Variants in CHD6 observed in about 807,000 individuals in gnomAD.
The protein encoded by CHD6 is chromodomain helicase DNA binding protein 6.
A neutral mutation model predicts 276.9 loss-of-function variants in CHD6; 50 were observed. That is an observed-to-expected ratio of 0.18 (90% CI 0.14 to 0.23). The LOEUF (loss-of-function observed/expected upper bound fraction) is 0.23, where lower values mean the gene tolerates loss of function less well. Among genes scored for constraint, CHD6 ranks in the 10% least tolerant of loss-of-function variants. The pLI, the probability that CHD6 is intolerant of heterozygous loss-of-function variation, is 1.00. For missense variants in CHD6, 2,564 were observed against 3,365.8 expected (o/e 0.76, Z 5.89); for synonymous variants, 1,173 against 1,229.3 (o/e 0.95, Z 0.96).
intron 3 of CHD6, among the ~76,000 whole-genome samples, chr20:41,522,360 A>G (rs922852222): frequency 1.4e-5 from 2 of 146,144 alleles, no homozygotes; most frequent in Admixed American, 1.4e-4. Flanking sequence ...AAAACAAAAT[A>G]ACAAACCAAA....
chr20:41,415,072 G>C, intron 34 of CHD6, 114 bp downstream of exon 34: 1 of 1,484,916 alleles, frequency 6.7e-7, no homozygotes, highest in Non-Finnish European at 9.0e-7. Flanking sequence ...AAATAAAGCA[G>C]GACAACCGAA....
chr20:41,608,855 C>T (rs912759318), intron 1 of CHD6, among the ~76,000 whole-genome samples: 2 of 152,122 alleles, frequency 1.3e-5, no homozygotes, highest in East Asian at 1.9e-4. Context: ...AAACTTAGTT[C>T]AAGAGTAAAT....
At chr20:41,611,629 C>G (rs902658007) in intron 1 of CHD6, among the ~76,000 whole-genome samples, 1 of 146,784 alleles carries the variant, frequency 6.8e-6, no homozygotes, top group Non-Finnish European at 1.5e-5. Flanking sequence ...ACTTGCATTT[C>G]TTTTTTTTTT....
chr20:41,433,570 C>T (rs6093482), intron 27 of CHD6, among the ~76,000 whole-genome samples: 67,975 of 151,892 alleles, frequency 0.45, 18,107 homozygotes, highest in African/African-American at 0.74. Flanking sequence ...CTAAGAGAAC[C>T]GTCTGACAGT....
chr20:41,444,821 A>G (rs1471792305), intron 25 of CHD6, among the ~76,000 whole-genome samples: 1 of 152,190 alleles, frequency 6.6e-6, no homozygotes, highest in Non-Finnish European at 1.5e-5. Context: ...CCTCCATTGT[A>G]TAAGTGAGAA....
At chr20:41,563,291 C>CA (rs989226635) in intron 1 of CHD6, among the ~76,000 whole-genome samples, 1 of 152,198 alleles carries the variant, frequency 6.6e-6, no homozygotes, top group African/African-American at 2.4e-5. Context: ...TGCTGAATAA[C>CA]AAGGCTTTTA....
At chr20:41,555,671 C>G (rs941135326) in intron 1 of CHD6, among the ~76,000 whole-genome samples, 1 of 150,576 alleles carries the variant, frequency 6.6e-6, no homozygotes, top group African/African-American at 2.5e-5. Flanking sequence ...GGGGCAGAGG[C>G]GCTCCCCACA....
chr20:41,412,803 C>T (rs1020639935), intron 35 of CHD6, among the ~76,000 whole-genome samples: 1 of 152,176 alleles, frequency 6.6e-6, no homozygotes, highest in African/African-American at 2.4e-5. Flanking sequence ...GTCTGAGGGA[C>T]TTAGGACAAA....
rs367568405 is a variant in CHD6 at position 41,493,996 on chromosome 20, C to T, written c.1093-52G>A. 5.7e-5 allele frequency: 77 copies of T among 1,342,972 alleles called. No homozygotes were observed. In the East Asian group the frequency reaches 6.0e-4, roughly 10 times the overall value. 83.2% of individuals were successfully genotyped at this position (1,342,972 alleles called of 1,614,324 possible). A position where few individuals can be genotyped will look rare whatever the true frequency, so the allele number is the denominator to read the frequency against. On this transcript the variant is annotated intron_variant, in intron 8 of 36. Coordinates refer to ENST00000373233, the MANE Select transcript of CHD6 (RefSeq NM_032221.5). ...GGAAGTATGTCCCCTTGCCTCAAAT[C>T]CAACACCTAGGGTGTTATCTCTAAG...
At position 41,473,180 on chromosome 20, in the gene CHD6, C is replaced by A; in HGVS notation, c.2664+142G>T. 1 of 669,206 alleles carries A rather than the reference C, an allele frequency of 1.5e-6. No individual in the cohort carries two copies. The highest frequency in any genetic ancestry group is 2.8e-5 in the East Asian group (1 of 36,192). 41.5% of individuals were successfully genotyped at this position (669,206 alleles called of 1,614,324 possible). ...CATTTACTTTTCATTCAGTTTCACC[C>A]CCTGACCAAGGCCCTAAGCCTGTCA... On this transcript the variant is annotated intron_variant, in intron 17 of 36. Coordinates refer to ENST00000373233, the MANE Select transcript of CHD6 (RefSeq NM_032221.5). The surrounding 1 kb of genome is among the most constrained non-coding windows in gnomAD (Gnocchi z 4.1).
intron 3 of CHD6, among the ~76,000 whole-genome samples, chr20:41,522,570 A>G (rs1017335731): frequency 1.4e-4 from 21 of 152,178 alleles, no homozygotes; most frequent in African/African-American, 4.8e-4. Context: ...AACTTAGGAA[A>G]GACACACTGA....
chr20:41,444,429 T>C (rs530312821), intron 25 of CHD6, among the ~76,000 whole-genome samples: 6 of 152,310 alleles, frequency 3.9e-5, no homozygotes, highest in Admixed American at 1.3e-4. Flanking sequence ...AATTAGGGCA[T>C]GTCTATGATT....
intron 1 of CHD6, among the ~76,000 whole-genome samples, chr20:41,570,490 G>T (rs1220927875): frequency 6.6e-6 from 1 of 152,080 alleles, no homozygotes; most frequent in African/African-American, 2.4e-5. Flanking sequence ...ATATATGAGG[G>T]GCCCACTGGC....
At chr20:41,512,134 A>ATT (rs11429306) in intron 5 of CHD6, among the ~76,000 whole-genome samples, 14 of 147,886 alleles carry the variant, frequency 9.5e-5, no homozygotes, top group Admixed American at 1.3e-4. Flanking sequence ...TGCCCAGCTA[A>ATT]TTTTTTTTTT....
At chr20:41,617,954 G>T (rs1173785784) in intron 1 of CHD6, among the ~76,000 whole-genome samples, 1 of 146,550 alleles carries the variant, frequency 6.8e-6, no homozygotes, top group African/African-American at 2.4e-5. Flanking sequence ...CCCCGGGGGG[G>T]GCCTCGGCAC....
chr20:41,433,403 G>C (rs1371303878), intron 27 of CHD6, among the ~76,000 whole-genome samples: 1 of 152,132 alleles, frequency 6.6e-6, no homozygotes, highest in East Asian at 1.9e-4. Context: ...AAAACTGCTT[G>C]AATGACAGAT....
At chr20:41,424,417 TG>T (rs1384446487) in intron 29 of CHD6, among the ~76,000 whole-genome samples, 1 of 152,116 alleles carries the variant, frequency 6.6e-6, no homozygotes, top group African/African-American at 2.4e-5. Context: ...TAGCTAGGCA[TG>T]GGGGTAACAG....
rs1339114203 is a variant in CHD6 at position 41,425,379 on chromosome 20, T to C, written c.4145A>G (p.Asp1382Gly). The C allele has an allele frequency of 6.2e-7, 1 of 1,613,892 alleles. No individual in the cohort carries two copies. Among genetic ancestry groups the C allele is most frequent in the Non-Finnish European group, 8.5e-7 (1 of 1,179,982 alleles). The change falls in exon 29 of 37, where the codon GAC becomes GGC. Residue 1382 changes from aspartate (D) to glycine (G), a missense_variant. Asp to Gly is a moderately conservative substitution (Grantham distance 94, BLOSUM62 -1). Around this residue, in one of 7 missense-constraint regions of CHD6, gnomAD observed 515 missense variants for 739.5 expected, o/e 0.70. Coordinates refer to ENST00000373233, the MANE Select transcript of CHD6 (RefSeq NM_032221.5). ...DDSRAAQDGS[D>G]PDKSPWPVSS... ...AACTGGCCAGGGCGATTTGTCTGGGTCGGAGCCATCCTGGGCTTCAAACAT... is the reference window on the plus strand; with the variant it reads ...AACTGGCCAGGGCGATTTGTCTGGGCCGGAGCCATCCTGGGCTTCAAACAT...
chr20:41,437,166 T>C, intron 27 of CHD6, 108 bp downstream of exon 27: 1 of 778,030 alleles, frequency 1.3e-6, no homozygotes, highest in South Asian at 1.7e-5. Flanking sequence ...CAAAATGCAA[T>C]GTAACTGTAG....
Sources: gnomAD v4.1 joint callset for allele counts (sites outside exome capture counted in the v4.1 genomes callset) on GRCh38, gnomAD v4.1.1 for gene constraint, gnomAD v4.1.1 regional missense constraint, Gnocchi (gnomAD v3.1) non-coding constraint, MANE v1.5 for transcripts, NCBI Gene and HGNC (gene_info 2026-07-23, HGNC 2026-07-21) for gene names.